Variants in AKAP13 observed in about 807,000 individuals in gnomAD.
The protein encoded by AKAP13 is A-kinase anchoring protein 13, also known as A-kinase anchor protein 13.
In AKAP13, 80 loss-of-function variants were observed where a neutral mutation model predicts 264.5. That is an observed-to-expected ratio of 0.30 (90% CI 0.25 to 0.36). The LOEUF is 0.36. Among genes scored for constraint, AKAP13 ranks in the 10% least tolerant of loss-of-function variants. The pLI is 1.00. For missense variants in AKAP13, 3,712 were observed against 3,435.2 expected, an observed-to-expected ratio of 1.08 and a Z score of -2.01; for synonymous variants, 1,380 against 1,250.2, an observed-to-expected ratio of 1.10 and a Z score of -2.19.
chr15:85,723,345 A>G, intron 26 of AKAP13, 25 bp downstream of exon 26: 1 of 1,610,464 alleles, frequency 6.2e-7, no homozygotes, highest in Non-Finnish European at 8.5e-7. Context: ...TTTTGTCTTA[A>G]GTATGTGCCC....
intron 1 of AKAP13, among the ~76,000 whole-genome samples, chr15:85,479,563 A>C (rs961993989): frequency 2.0e-5 from 3 of 152,198 alleles, no homozygotes; most frequent in Admixed American, 1.3e-4. Flanking sequence ...GAGCAGATGT[A>C]GGGGTGATCT....
chr15:85,455,771 C>A (rs756881406), intron 1 of AKAP13, among the ~76,000 whole-genome samples: 14 of 151,984 alleles, frequency 9.2e-5, no homozygotes, highest in Non-Finnish European at 2.1e-4. Context: ...TGTCTGACAC[C>A]GAGATAAAAC....
At chr15:85,474,616 T>TG (rs2075086875) in intron 1 of AKAP13, among the ~76,000 whole-genome samples, 1 of 152,216 alleles carries the variant, frequency 6.6e-6, no homozygotes, top group Admixed American at 6.5e-5. Flanking sequence ...CTTAGAATAT[T>TG]GAAGTTTTCC....
Position 85,684,746 on chromosome 15 carries a change from C to T in AKAP13, c.5162C>T (p.Thr1721Ile), listed in dbSNP as rs2084802319. The T allele has an allele frequency of 6.2e-7, 1 of 1,610,800 alleles. No individual in the cohort carries two copies. Among genetic ancestry groups the T allele is most frequent in the African/African-American group, 1.3e-5 (1 of 74,906 alleles). ...ATCTTCTTGTTTTTATTTAGTATAA[C>T]AGAAGAGAACTATAATTTCCTGCCA... ...NTSANLTESI[T>I]EENYNFLPHS... Residue 1721 changes from threonine (T) to isoleucine (I), a missense_variant, in exon 16 of 37, where the codon ACA becomes ATA. Physicochemically the swap from Thr to Ile is moderately conservative, Grantham distance 89. Transcript: ENST00000394518.
chr15:85,530,833 G>A (rs1187209105), intron 3 of AKAP13, among the ~76,000 whole-genome samples: 1 of 152,070 alleles, frequency 6.6e-6, no homozygotes. Context: ...GGCTATATAT[G>A]GTGTTTTGGG....
chr15:85,678,216 A>T (rs867937403), intron 14 of AKAP13, among the ~76,000 whole-genome samples: 6 of 152,202 alleles, frequency 3.9e-5, no homozygotes, highest in Non-Finnish European at 7.4e-5. Flanking sequence ...GTTAAATAAA[A>T]TTGTTTTTAT....
chr15:85,716,079 A>T (rs1361834506), intron 20 of AKAP13, among the ~76,000 whole-genome samples, 156 bp downstream of exon 20: 3 of 150,922 alleles, frequency 2.0e-5, no homozygotes, highest in African/African-American at 7.3e-5. Context: ...TATGTTTCTG[A>T]TGCATGTCAT....
chr15:85,710,051 T>G (rs928402017), intron 18 of AKAP13, among the ~76,000 whole-genome samples: 5 of 152,204 alleles, frequency 3.3e-5, no homozygotes, highest in Admixed American at 2.6e-4. Flanking sequence ...GATTAATCGC[T>G]TCAGTGTATA....
intron 1 of AKAP13, among the ~76,000 whole-genome samples, chr15:85,403,524 C>T (rs759484631): frequency 2.0e-5 from 3 of 152,224 alleles, no homozygotes; most frequent in Non-Finnish European, 4.4e-5. Context: ...GGAAATGTGT[C>T]GCTTTTGGCT....
chr15:85,491,780 G>A (rs2075737287), intron 2 of AKAP13, among the ~76,000 whole-genome samples: 1 of 151,930 alleles, frequency 6.6e-6, no homozygotes, highest in Admixed American at 6.6e-5. Flanking sequence ...TAATTCATTT[G>A]CATCACCTGT....
rs199698268 is a variant in AKAP13, at chr15:85,390,697, TAGC to T, written c.-12+9903_-12+9905del. Among the ~76,000 whole-genome samples the T allele has an allele frequency of 7.1e-3, 1,080 of 152,256 alleles. 19 individuals are homozygous for T. Among genetic ancestry groups the T allele is most frequent in the African/African-American group, 0.025 (1,025 of 41,530 alleles). On this transcript the variant is annotated intron_variant, in intron 1 of 36. Transcript: ENST00000394518. ...AAGATGGTGGCTTGGATTAGGGTGG[TAGC>T]AGCGAAAGTGGTGAGAAGCGGTTTG... is the stretch of plus-strand genomic sequence containing the variant.
intron 1 of AKAP13, among the ~76,000 whole-genome samples, chr15:85,430,333 T>C (rs2072971595): frequency 6.6e-6 from 1 of 152,248 alleles, no homozygotes. Flanking sequence ...TTTTCTGCCT[T>C]ATAGTAGTAA....
intron 1 of AKAP13, among the ~76,000 whole-genome samples, chr15:85,411,853 T>G (rs1295219877): frequency 1.3e-5 from 2 of 152,204 alleles, no homozygotes; most frequent in Non-Finnish European, 2.9e-5. Context: ...AAAGCAAGCC[T>G]TTACTTCAAG....
At chr15:85,568,070 G>A (rs547685401) in intron 5 of AKAP13, among the ~76,000 whole-genome samples, 2 of 151,744 alleles carry the variant, frequency 1.3e-5, no homozygotes, top group East Asian at 3.9e-4. Flanking sequence ...ATTGCTTGAG[G>A]CAGGCAGATT....
chr15:85,651,110 A>G (rs1450943307), intron 10 of AKAP13, among the ~76,000 whole-genome samples: 1 of 152,176 alleles, frequency 6.6e-6, no homozygotes, highest in Non-Finnish European at 1.5e-5. Context: ...CAGTTTTGTA[A>G]TTTTATGTTT....
In AKAP13 at chr15:85,476,214, C is replaced by T. The variant is rs186052072; in HGVS notation, c.-11-9496C>T. 2.0e-5 allele frequency among the ~76,000 whole-genome samples: 3 copies of T among 152,136 alleles called. No homozygotes were observed. The East Asian group carries it at 5.8e-4, about 29-fold the overall frequency. On this transcript the variant is annotated intron_variant, in intron 1 of 36. Transcript: ENST00000394518. ...AGGTGTGGTATGGAAGAAAAGAGTG[C>T]TCAGTAAGGCTTTATAGATAATGAG... is the stretch of plus-strand genomic sequence containing the variant.
intron 8 of AKAP13, among the ~76,000 whole-genome samples, chr15:85,629,980 A>G (rs1045847483): frequency 2.6e-5 from 4 of 150,998 alleles, no homozygotes; most frequent in Non-Finnish European, 5.9e-5. Flanking sequence ...GGGTTTTTCC[A>G]TGTTGCCCAG....
intron 11 of AKAP13, among the ~76,000 whole-genome samples, chr15:85,657,413 C>T (rs1335071048): frequency 1.3e-5 from 2 of 152,158 alleles, no homozygotes; most frequent in Non-Finnish European, 2.9e-5. Flanking sequence ...CTAATCTTTT[C>T]AGACTCTCTT....
At position 85,469,195 on chromosome 15, in the gene AKAP13, G is replaced by A. The variant is rs1036658986; in HGVS notation, c.-11-16515G>A. On this transcript the variant is annotated intron_variant, in intron 1 of 36. Coordinates refer to ENST00000394518, the MANE Select transcript of AKAP13 (RefSeq NM_007200.5). The stretch of plus-strand genomic sequence containing the variant: ...CTCCCAAAGTGCTGGGATTACAGGC[G>A]TGAGCCACCGCACCAGGCCAGGTGT... Among the ~76,000 whole-genome samples, 12 of 150,220 alleles carry A rather than the reference G, an allele frequency of 8.0e-5. 1 individual carries two copies. The South Asian group carries it at 1.3e-3, about 16-fold the overall frequency.
Sources: gnomAD v4.1 joint callset for allele counts (sites outside exome capture counted in the v4.1 genomes callset) on GRCh38, gnomAD v4.1.1 for gene constraint, MANE v1.5 for transcripts, NCBI Gene and HGNC (gene_info 2026-07-23, HGNC 2026-07-21) for gene names.